LRRC4C: variants seen among roughly 807,000 people sequenced by gnomAD.
LRRC4C encodes the protein leucine rich repeat containing 4C.
Under a neutral mutation model 33.6 loss-of-function variants are expected in LRRC4C, and 5 were observed. The ratio of observed to expected loss-of-function variants is 0.15; its 90% CI spans 0.08 to 0.31. The LOEUF is 0.31. Among genes scored for constraint, LRRC4C ranks in the 10% least tolerant of loss-of-function variants. The pLI is 1.00. For missense variants in LRRC4C, 560 were observed against 796.7 expected, an observed-to-expected ratio of 0.70 and a Z score of 3.58; for synonymous variants, 329 against 302.0, an observed-to-expected ratio of 1.09 and a Z score of -0.93.
chr11:40,670,225 G>A (rs1291251640), intron 2 of LRRC4C, among the ~76,000 whole-genome samples: 1 of 152,092 alleles, frequency 6.6e-6, no homozygotes, highest in Non-Finnish European at 1.5e-5. Flanking sequence ...ACTAGACAAG[G>A]GCTTTCTTCA....
rs528855566 is a variant in LRRC4C at position 41,174,030 on chromosome 11, A to T, written c.-495-240307T>A. Among the ~76,000 whole-genome samples, 3 of 152,208 alleles carry T rather than the reference A, an allele frequency of 2.0e-5. No homozygotes were observed. The South Asian group carries it at 6.2e-4, about 32-fold the overall frequency. Reference sequence around the variant, plus strand: ...TGACCATTAATTTGTCAACTACAGGATACCTAATCATATCAATATAATTTA... The same window carrying T: ...TGACCATTAATTTGTCAACTACAGGTTACCTAATCATATCAATATAATTTA... On this transcript the variant is annotated intron_variant, in intron 1 of 6. Coordinates refer to ENST00000528697, the MANE Select transcript of LRRC4C (RefSeq NM_001258419.2).
chr11:41,055,805 T>C (rs949731621), intron 1 of LRRC4C, among the ~76,000 whole-genome samples: 9 of 152,100 alleles, frequency 5.9e-5, no homozygotes, highest in African/African-American at 2.2e-4. Flanking sequence ...TACTTAACTC[T>C]CTAGTGCTTA....
rs146507194 is a variant in LRRC4C at position 40,307,875 on chromosome 11, A to G, written c.-176+11753T>C. On this transcript the variant is annotated intron_variant, in intron 4 of 6. Coordinates refer to ENST00000528697, the MANE Select transcript of LRRC4C (RefSeq NM_001258419.2). ...GCTTGTTGAAATAGTCATATAATTG[A>G]GCCAATAGAGGTTTATTGTTTAAAT... Among the ~76,000 whole-genome samples the G allele has an allele frequency of 2.3e-3, 352 of 152,346 alleles. 1 individual carries two copies. The highest frequency in any genetic ancestry group is 8.1e-3 in the African/African-American group (336 of 41,570).
intron 2 of LRRC4C, among the ~76,000 whole-genome samples, chr11:40,749,745 G>C (rs1014798396): frequency 1.3e-5 from 2 of 150,932 alleles, no homozygotes; most frequent in African/African-American, 2.4e-5. Context: ...ACCACAAAGA[G>C]AGAAGACCCA....
At chr11:40,120,355 T>C (rs2134648603) in intron 6 of LRRC4C, among the ~76,000 whole-genome samples, 1 of 152,298 alleles carries the variant, frequency 6.6e-6, no homozygotes, top group Non-Finnish European at 1.5e-5. Flanking sequence ...TTATCCTCCT[T>C]GTAAATTTAA....
intron 2 of LRRC4C, among the ~76,000 whole-genome samples, chr11:40,807,642 A>G (rs73470893): frequency 6.6e-4 from 100 of 152,346 alleles, no homozygotes; most frequent in Middle Eastern, 3.4e-3. Context: ...AGTAAATACT[A>G]TGAAACTAGC....
intron 2 of LRRC4C, among the ~76,000 whole-genome samples, chr11:40,723,308 G>A (rs994578771): frequency 7.3e-5 from 11 of 151,136 alleles, no homozygotes; most frequent in African/African-American, 2.7e-4. Flanking sequence ...ATAGTCATCC[G>A]ACTTTCTAAG....
intron 1 of LRRC4C, among the ~76,000 whole-genome samples, chr11:40,990,660 A>G (rs1853472173): frequency 6.6e-6 from 1 of 152,112 alleles, no homozygotes; most frequent in African/African-American, 2.4e-5. Flanking sequence ...CAATGATGAT[A>G]TAATAGAGCA....
chr11:41,272,325 G>A (rs1949347391), intron 1 of LRRC4C, among the ~76,000 whole-genome samples: 1 of 152,022 alleles, frequency 6.6e-6, no homozygotes, highest in Admixed American at 6.6e-5. Flanking sequence ...TTTCACTTGG[G>A]TAAATTTAAT....
At chr11:40,197,882 C>T (rs182621527) in intron 5 of LRRC4C, among the ~76,000 whole-genome samples, 1 of 152,262 alleles carries the variant, frequency 6.6e-6, no homozygotes, top group African/African-American at 2.4e-5. Flanking sequence ...TTCACGAAGT[C>T]AGTATTATTA....
chr11:40,435,065 A>T (rs931377396), intron 3 of LRRC4C, among the ~76,000 whole-genome samples: 1 of 152,218 alleles, frequency 6.6e-6, no homozygotes, highest in African/African-American at 2.4e-5. Flanking sequence ...ACTGAGTGTC[A>T]GGAAAGCTAA....
chr11:40,279,691 T>G (rs986258224), intron 4 of LRRC4C, among the ~76,000 whole-genome samples: 2 of 152,170 alleles, frequency 1.3e-5, no homozygotes, highest in Non-Finnish European at 2.9e-5. Context: ...ATAAATAAAT[T>G]GCCTGAAACC....
At chr11:40,200,468 A>G (rs112737908) in intron 5 of LRRC4C, among the ~76,000 whole-genome samples, 1,943 of 152,178 alleles carry the variant, frequency 0.013, 29 homozygotes, top group African/African-American at 0.044. Context: ...CAGAAAGGTA[A>G]TTCTCTGACT....
At chr11:40,843,910 A>T (rs950851386) in intron 2 of LRRC4C, among the ~76,000 whole-genome samples, 1 of 152,204 alleles carries the variant, frequency 6.6e-6, no homozygotes, top group African/African-American at 2.4e-5. Flanking sequence ...GGAGTTTTAT[A>T]TAAGGAGCTT....
At chr11:40,589,621 G>T (rs1417115231) in intron 3 of LRRC4C, among the ~76,000 whole-genome samples, 1 of 152,076 alleles carries the variant, frequency 6.6e-6, no homozygotes, top group African/African-American at 2.4e-5. Flanking sequence ...GGTACCAGTT[G>T]TTCCTTTCCA....
intron 2 of LRRC4C, among the ~76,000 whole-genome samples, chr11:40,856,192 T>C (rs1343331833): frequency 6.6e-6 from 1 of 152,152 alleles, no homozygotes; most frequent in African/African-American, 2.4e-5. Context: ...ATAAAGTCTA[T>C]AGGGTGTGAA....
chr11:40,742,907 C>T (rs1199443038), intron 2 of LRRC4C, among the ~76,000 whole-genome samples: 1 of 152,008 alleles, frequency 6.6e-6, no homozygotes, highest in Non-Finnish European at 1.5e-5. Context: ...TCCTGCCTGT[C>T]ACCAGTAGGG....
chr11:41,011,451 T>C (rs1371962365), intron 1 of LRRC4C, among the ~76,000 whole-genome samples: 2 of 152,190 alleles, frequency 1.3e-5, no homozygotes, highest in Non-Finnish European at 2.9e-5. Context: ...ATGAAAATTA[T>C]TAAAATGGAT....
chr11:41,253,985 G>A (rs868786851), intron 1 of LRRC4C, among the ~76,000 whole-genome samples: 44 of 152,112 alleles, frequency 2.9e-4, no homozygotes, highest in African/African-American at 1.1e-3. Flanking sequence ...ATTAACAGCT[G>A]AGTTTTAAGT....
Sources: allele counts gnomAD v4.1 joint callset (sites outside exome capture counted in the v4.1 genomes callset), GRCh38; gene constraint gnomAD v4.1.1; transcripts MANE v1.5; gene names NCBI Gene and HGNC (gene_info 2026-07-23, HGNC 2026-07-21).